Variants in GRB2 observed in about 807,000 individuals in gnomAD.
GRB2 encodes the protein growth factor receptor bound protein 2.
In GRB2, 2 loss-of-function variants were observed where a neutral mutation model predicts 27.4. The observed-to-expected ratio is 0.07, with a 90% CI of 0.03 to 0.23. GRB2 has a LOEUF of 0.23. GRB2 is among the 10% of genes least tolerant of loss of function. The pLI, the probability that GRB2 is intolerant of heterozygous loss-of-function variation, is 1.00. For missense variants in GRB2, 102 were observed against 282.4 expected (o/e 0.36, Z 4.58); for synonymous variants, 94 against 99.6 (o/e 0.94, Z 0.33).
At chr17:75,369,461 C>T (rs2078841627) in intron 2 of GRB2, among the ~76,000 whole-genome samples, 2 of 152,104 alleles carry the variant, frequency 1.3e-5, no homozygotes, top group South Asian at 4.1e-4. Context: ...TTGAGAAAAA[C>T]TCCCATTTAT....
chr17:75,387,664 G>A (rs2078973277), intron 2 of GRB2: 1 of 151,968 alleles, frequency 6.6e-6, no homozygotes, highest in Non-Finnish European at 1.5e-5. Context: ...CAGGTGTGGT[G>A]GCGGGCGCCT....
chr17:75,359,385 A>G (rs2078763163), intron 2 of GRB2, among the ~76,000 whole-genome samples: 1 of 151,654 alleles, frequency 6.6e-6, no homozygotes, highest in Non-Finnish European at 1.5e-5. Flanking sequence ...ACATGCCCAT[A>G]ATCCTAGCTA....
chr17:75,323,689 T>A (rs1012695006), intron 4 of GRB2, among the ~76,000 whole-genome samples: 1 of 152,168 alleles, frequency 6.6e-6, no homozygotes, highest in Non-Finnish European at 1.5e-5. Flanking sequence ...GCTGCCCCCG[T>A]GGTTTTGGCC....
chr17:75,327,347 G>A (rs982708667), intron 3 of GRB2, among the ~76,000 whole-genome samples: 1 of 151,086 alleles, frequency 6.6e-6, no homozygotes, highest in Non-Finnish European at 1.5e-5. Flanking sequence ...CCAAAGTGCT[G>A]GGATTACAGG....
intron 2 of GRB2, among the ~76,000 whole-genome samples, chr17:75,365,970 T>C (rs1425803088): frequency 6.6e-6 from 1 of 152,118 alleles, no homozygotes; most frequent in Non-Finnish European, 1.5e-5. Flanking sequence ...TCGTACCTAA[T>C]CACATATCAA....
chr17:75,340,849 G>A (rs1567861125), intron 2 of GRB2, among the ~76,000 whole-genome samples: 1 of 152,146 alleles, frequency 6.6e-6, no homozygotes, highest in Non-Finnish European at 1.5e-5. Context: ...AACACCCACA[G>A]TGTAGATAAA....
intron 2 of GRB2, among the ~76,000 whole-genome samples, chr17:75,347,152 T>A (rs567553007): frequency 6.6e-6 from 1 of 152,262 alleles, no homozygotes; most frequent in South Asian, 2.1e-4. Context: ...CACTGCATTA[T>A]CCCTGTGGTT....
At chr17:75,350,389 T>G (rs2078683021) in intron 2 of GRB2, among the ~76,000 whole-genome samples, 1 of 152,194 alleles carries the variant, frequency 6.6e-6, no homozygotes, top group South Asian at 2.1e-4. Flanking sequence ...CAACTTCAGG[T>G]GTAAGTTCTA....
chr17:75,324,752 G>T (rs937879885), intron 4 of GRB2, among the ~76,000 whole-genome samples: 1 of 151,922 alleles, frequency 6.6e-6, no homozygotes, highest in Admixed American at 6.6e-5. Context: ...TTTTGAAATG[G>T]AAAAGTCTCA....
chr17:75,361,370 T>C (rs914291538), intron 2 of GRB2, among the ~76,000 whole-genome samples: 6 of 152,104 alleles, frequency 3.9e-5, no homozygotes, highest in African/African-American at 7.2e-5. Context: ...TCAGGCAGTA[T>C]AAGGACAGAA....
At chr17:75,347,859 G>A (rs2078665066) in intron 2 of GRB2, among the ~76,000 whole-genome samples, 1 of 152,138 alleles carries the variant, frequency 6.6e-6, no homozygotes, top group Admixed American at 6.5e-5. Context: ...TGTGTCAGGT[G>A]TTCTCTACCA....
At chr17:75,372,633 A>AT (rs1169836607) in intron 2 of GRB2, 3 of 152,228 alleles carry the variant, frequency 2.0e-5, no homozygotes, top group Non-Finnish European at 2.9e-5. Context: ...CATATGTCCT[A>AT]TATCTGTACT....
In GRB2 at chr17:75,359,025, C is replaced by T. The variant is rs549853750; in HGVS notation, c.79-26228G>A. Among the ~76,000 whole-genome samples, 67 of 147,570 alleles carry T rather than the reference C, an allele frequency of 4.5e-4. 2 individuals are homozygous for T. In the South Asian group the frequency reaches 0.011, roughly 25 times the overall value. ...GTCAGGAATTCAAGACCAGCTTCACCAACATAGTGAAATTCTGTCTCTATT... is the reference window on the plus strand; with the variant it reads ...GTCAGGAATTCAAGACCAGCTTCACTAACATAGTGAAATTCTGTCTCTATT... On this transcript the variant is annotated intron_variant, in intron 2 of 5. Coordinates refer to ENST00000316804, the MANE Select transcript of GRB2 (RefSeq NM_002086.5).
intron 4 of GRB2, 54 bp downstream of exon 4, chr17:75,325,844 A>T (rs1400033805): frequency 6.3e-7 from 1 of 1,599,202 alleles, no homozygotes; most frequent in Non-Finnish European, 8.6e-7. Context: ...ACGGCTTCAC[A>T]ATTTGGATCA....
chr17:75,336,436 G>T (rs1005684449), intron 2 of GRB2, among the ~76,000 whole-genome samples: 1 of 152,180 alleles, frequency 6.6e-6, no homozygotes, highest in African/African-American at 2.4e-5. Context: ...ACAGAACAAA[G>T]TAATCATTAG....
At chr17:75,387,233 A>G (rs4789184) in intron 2 of GRB2, among the ~76,000 whole-genome samples, 100,364 of 151,878 alleles carry the variant, frequency 0.66, 38,147 homozygotes, top group East Asian at 0.91. Context: ...CAAGGTGGGT[A>G]GATATTTTGA....
chr17:75,345,561 TAATTTCCAA>T (rs1299626382), intron 2 of GRB2, among the ~76,000 whole-genome samples: 1 of 152,198 alleles, frequency 6.6e-6, no homozygotes, highest in Non-Finnish European at 1.5e-5. Context: ...AGGACACCGT[TAATTTCCAA>T]CTCAAAAAGC....
At chr17:75,381,892 A>G (rs2078931471) in intron 2 of GRB2, among the ~76,000 whole-genome samples, 2 of 151,988 alleles carry the variant, frequency 1.3e-5, no homozygotes, top group Admixed American at 6.6e-5. Flanking sequence ...AAGCTCTTGC[A>G]TTTTTCAAAA....
At chr17:75,390,366 T>G (rs1366459908) in intron 2 of GRB2, among the ~76,000 whole-genome samples, 5 of 152,206 alleles carry the variant, frequency 3.3e-5, no homozygotes, top group African/African-American at 9.6e-5. Flanking sequence ...GTAAGTTTTA[T>G]GTGCTCTAGT....
Sources: allele counts gnomAD v4.1 joint callset (sites outside exome capture counted in the v4.1 genomes callset), GRCh38; gene constraint gnomAD v4.1.1; transcripts MANE v1.5; gene names NCBI Gene and HGNC (gene_info 2026-07-23, HGNC 2026-07-21).